AUTS2: variants seen among roughly 807,000 people sequenced by gnomAD.
The protein encoded by AUTS2 is autism susceptibility gene 2 protein.
AUTS2 carries 17 observed loss-of-function variants against 112.4 expected under a neutral mutation model. The observed-to-expected ratio is 0.15, with a 90% CI of 0.10 to 0.23. AUTS2 has a LOEUF of 0.23. AUTS2 is among the 10% of genes least tolerant of loss of function. The pLI, the probability that AUTS2 is intolerant of heterozygous loss-of-function variation, is 1.00. For synonymous variants in AUTS2, 751 were observed against 702.7 expected (o/e 1.07, Z -1.09); for missense variants, 1,510 against 1,701.6 (o/e 0.89, Z 1.98).
chr7:69,816,113 A>T (rs1009702955), intron 1 of AUTS2, among the ~76,000 whole-genome samples: 5 of 152,156 alleles, frequency 3.3e-5, no homozygotes, highest in African/African-American at 1.2e-4. Context: ...AATGATGCCT[A>T]GGTTTGTGTA....
chr7:70,774,156 G>A, intron 12 of AUTS2, 57 bp downstream of exon 12: 1 of 1,533,982 alleles, frequency 6.5e-7, no homozygotes. Context: ...TGTTTGCACG[G>A]GACGGCCAGC....
intron 5 of AUTS2, among the ~76,000 whole-genome samples, chr7:70,488,453 T>C (rs773766511): frequency 2.1e-4 from 32 of 152,150 alleles, no homozygotes; most frequent in Non-Finnish European, 4.1e-4. Context: ...CCTCATTTTC[T>C]GTTTCTTTTT....
chr7:70,162,314 C>CGG (rs1808122878), intron 4 of AUTS2, among the ~76,000 whole-genome samples: 1 of 148,934 alleles, frequency 6.7e-6, no homozygotes, highest in South Asian at 2.1e-4. Flanking sequence ...GGCGTAGTGG[C>CGG]GGGCGCCTGT....
intron 5 of AUTS2, among the ~76,000 whole-genome samples, chr7:70,674,059 A>C (rs1807784001): frequency 6.6e-6 from 1 of 152,082 alleles, no homozygotes. Flanking sequence ...TCCAGAGCAC[A>C]TGCTCTTCCC....
In AUTS2 at chr7:70,542,186, A is replaced by T. The variant is rs933180694; in HGVS notation, c.690+106405A>T. On this transcript the variant is annotated intron_variant, in intron 5 of 18. Coordinates refer to ENST00000342771, the MANE Select transcript of AUTS2 (RefSeq NM_015570.4). ...AAGTTTACCAATCTAAAAAAAAAAG[A>T]CTTGTTCTTATGACTTGTTCTTCAT... Among the ~76,000 whole-genome samples the T allele has an allele frequency of 2.0e-5, 3 of 152,056 alleles. No individual in the cohort carries two copies. The East Asian group carries it at 5.8e-4, about 29-fold the overall frequency.
chr7:70,220,241 AT>A (rs931544697), intron 4 of AUTS2, among the ~76,000 whole-genome samples: 1 of 152,134 alleles, frequency 6.6e-6, no homozygotes, highest in African/African-American at 2.4e-5. Context: ...TAATTCTTTG[AT>A]TTTTTTCAAT....
chr7:70,277,534 C>A (rs1342061281), intron 4 of AUTS2, among the ~76,000 whole-genome samples: 1 of 152,194 alleles, frequency 6.6e-6, no homozygotes, highest in East Asian at 1.9e-4. Context: ...TTGCACTCTC[C>A]CTTTCTGTGC....
intron 4 of AUTS2, among the ~76,000 whole-genome samples, chr7:70,244,505 A>C (rs1812795485): frequency 6.6e-6 from 1 of 152,192 alleles, no homozygotes. Context: ...ATCTCACAGG[A>C]ATCTATTCCT....
At chr7:70,364,147 G>T (rs1305703713) in intron 4 of AUTS2, among the ~76,000 whole-genome samples, 2 of 152,108 alleles carry the variant, frequency 1.3e-5, no homozygotes, top group Admixed American at 1.3e-4. Flanking sequence ...TTATCACGTT[G>T]ATATGGAAGG....
chr7:69,934,094 C>T (rs1208800095), intron 2 of AUTS2, among the ~76,000 whole-genome samples: 3 of 152,154 alleles, frequency 2.0e-5, no homozygotes, highest in Admixed American at 6.5e-5. Flanking sequence ...AGTTTTTATC[C>T]TGGAGCGAAA....
intron 2 of AUTS2, among the ~76,000 whole-genome samples, chr7:69,913,760 G>T (rs1169554014): frequency 6.6e-6 from 1 of 152,082 alleles, no homozygotes; most frequent in Admixed American, 6.5e-5. Context: ...TTGAAAATCA[G>T]ACTCCCATCA....
intron 5 of AUTS2, among the ~76,000 whole-genome samples, chr7:70,583,864 T>A (rs939288719): frequency 6.6e-6 from 1 of 152,212 alleles, no homozygotes; most frequent in African/African-American, 2.4e-5. Context: ...TATGGATAGC[T>A]CTGTAGAGCA....
chr7:70,366,115 A>G (rs1414229946), intron 4 of AUTS2, among the ~76,000 whole-genome samples: 1 of 152,234 alleles, frequency 6.6e-6, no homozygotes. Flanking sequence ...CTCTAAAACC[A>G]AAGCTTATGT....
intron 4 of AUTS2, among the ~76,000 whole-genome samples, chr7:70,308,909 G>C (rs1789610773): frequency 1.3e-5 from 2 of 152,176 alleles, no homozygotes; most frequent in Non-Finnish European, 2.9e-5. Context: ...GTGAAATGGG[G>C]CATCGCCTTT....
intron 4 of AUTS2, among the ~76,000 whole-genome samples, chr7:70,368,652 C>T (rs899223327): frequency 1.3e-5 from 2 of 152,186 alleles, no homozygotes; most frequent in African/African-American, 4.8e-5. Flanking sequence ...TCGGTATTTG[C>T]CTCTGCAGTC....
chr7:70,251,025 A>T (rs1213176129), intron 4 of AUTS2, among the ~76,000 whole-genome samples: 1 of 152,214 alleles, frequency 6.6e-6, no homozygotes, highest in Non-Finnish European at 1.5e-5. Context: ...AAATTAAAAA[A>T]GTATACATGT....
At chr7:69,719,667 C>A (rs1798812163) in intron 1 of AUTS2, among the ~76,000 whole-genome samples, 1 of 152,120 alleles carries the variant, frequency 6.6e-6, no homozygotes, top group Non-Finnish European at 1.5e-5. Context: ...GCTCAGAATT[C>A]GTATATTTTG....
At chr7:69,938,417 G>A (rs1181497571) in intron 2 of AUTS2, among the ~76,000 whole-genome samples, 1 of 152,196 alleles carries the variant, frequency 6.6e-6, no homozygotes, top group African/African-American at 2.4e-5. Context: ...GCTGTTGCAG[G>A]AGGAAAGTAT....
At chr7:69,914,506 C>T (rs1212055115) in intron 2 of AUTS2, among the ~76,000 whole-genome samples, 6 of 151,812 alleles carry the variant, frequency 4.0e-5, no homozygotes. Flanking sequence ...AAATTTATCC[C>T]AAGCAACCCC....
Sources: allele counts gnomAD v4.1 joint callset (sites outside exome capture counted in the v4.1 genomes callset), GRCh38; gene constraint gnomAD v4.1.1; transcripts MANE v1.5; gene names NCBI Gene and HGNC (gene_info 2026-07-23, HGNC 2026-07-21).